The following ITIH5 variants were observed in gnomAD, a reference collection of about 807,000 sequenced individuals.
The protein encoded by ITIH5 is inter-alpha-trypsin inhibitor heavy chain 5.
In ITIH5, 65 loss-of-function variants were observed where a neutral mutation model predicts 77.5. The ratio of observed to expected loss-of-function variants is 0.84; its 90% CI spans 0.69 to 1.03. The LOEUF (loss-of-function observed/expected upper bound fraction) is 1.03. Among genes scored for constraint, ITIH5 ranks in the 50% least tolerant of loss-of-function variants. The pLI is 0.00. For missense variants in ITIH5, 1,208 were observed against 1,213.1 expected, an observed-to-expected ratio of 1.00 and a Z score of 0.06; for synonymous variants, 525 against 494.3, an observed-to-expected ratio of 1.06 and a Z score of -0.82.
intron 7 of ITIH5, among the ~76,000 whole-genome samples, chr10:7,603,179 G>A (rs55683303): frequency 0.08 from 12,127 of 152,154 alleles, 746 homozygotes; most frequent in African/African-American, 0.17. Flanking sequence ...TAAAAAACGC[G>A]TGGTATATCC....
At chr10:7,627,827 CTTTTTTTTT>C (rs869139058) in intron 5 of ITIH5, among the ~76,000 whole-genome samples, 1 of 90,804 alleles carries the variant, frequency 1.1e-5, no homozygotes, top group Non-Finnish European at 2.0e-5. Flanking sequence ...TGAAATTAAC[CTTTTTTTTT>C]TTTTTTTTTT....
chr10:7,624,154 G>A (rs1833518873), intron 5 of ITIH5, among the ~76,000 whole-genome samples: 3 of 152,138 alleles, frequency 2.0e-5, no homozygotes. Context: ...GACTATGTGT[G>A]AAAACAAGTA....
intron 10 of ITIH5, among the ~76,000 whole-genome samples, chr10:7,574,617 C>A (rs1239193460): frequency 1.3e-5 from 2 of 151,864 alleles, no homozygotes; most frequent in African/African-American, 4.8e-5. Flanking sequence ...CACGGTGAAA[C>A]CCCATCTCTA....
intron 2 of ITIH5, among the ~76,000 whole-genome samples, chr10:7,649,881 T>C (rs533545491): frequency 6.6e-6 from 1 of 152,336 alleles, no homozygotes; most frequent in African/African-American, 2.4e-5. Flanking sequence ...TATAAAACAG[T>C]GGCCTCACTT....
chr10:7,577,374 T>C (rs1832447017), intron 9 of ITIH5, among the ~76,000 whole-genome samples: 1 of 152,258 alleles, frequency 6.6e-6, no homozygotes, highest in Non-Finnish European at 1.5e-5. Flanking sequence ...AACAGACATT[T>C]GGATGCTTAA....
chr10:7,638,609 C>A (rs1455097454), intron 4 of ITIH5, among the ~76,000 whole-genome samples: 1 of 152,180 alleles, frequency 6.6e-6, no homozygotes, highest in Non-Finnish European at 1.5e-5. Flanking sequence ...ACTTCTCATG[C>A]ACCCATTCTG....
chr10:7,663,766 C>T lies in ITIH5; in HGVS notation c.90+3037G>A, dbSNP rs550445332. Among the ~76,000 whole-genome samples the T allele has an allele frequency of 2.6e-5, 4 of 152,294 alleles. No individual in the cohort carries two copies. The South Asian group carries it at 8.3e-4, about 32-fold the overall frequency. On this transcript the variant is annotated intron_variant, in intron 1 of 13. Coordinates refer to ENST00000397146, the MANE Select transcript of ITIH5 (RefSeq NM_030569.7). ...AGAGGTTAAGTGACTTGCCCAGGTACACACAGGCAGTAAGTGATGGGGTCC... is the reference window on the plus strand; with the variant it reads ...AGAGGTTAAGTGACTTGCCCAGGTATACACAGGCAGTAAGTGATGGGGTCC...
At chr10:7,617,404 A>T in intron 5 of ITIH5, 122 bp from the exon 6 acceptor site, 1 of 646,102 alleles carries the variant, frequency 1.5e-6, no homozygotes, top group Non-Finnish European at 2.5e-6. Flanking sequence ...ATTTCACAGG[A>T]ACTTCTAAGA....
chr10:7,609,496 TAG>T (rs1358675816), intron 7 of ITIH5: 1 of 456,666 alleles, frequency 2.2e-6, no homozygotes, highest in Admixed American at 2.4e-5. Flanking sequence ...ACCAATGTCC[TAG>T]AGCATAAAGT....
chr10:7,596,850 C>T (rs1159846510), intron 7 of ITIH5, among the ~76,000 whole-genome samples: 1 of 151,788 alleles, frequency 6.6e-6, no homozygotes, highest in Non-Finnish European at 1.5e-5. Flanking sequence ...GAGTTTGAGA[C>T]CAGCCTGGCC....
chr10:7,578,953 T>C (rs931330421), intron 9 of ITIH5, among the ~76,000 whole-genome samples: 1 of 152,264 alleles, frequency 6.6e-6, no homozygotes, highest in Non-Finnish European at 1.5e-5. Flanking sequence ...CTGATGGTTT[T>C]GCTTCCAAAT....
intron 5 of ITIH5, among the ~76,000 whole-genome samples, chr10:7,628,865 GTGTGTCCGTGT>G (rs1833643320): frequency 7.6e-6 from 1 of 131,918 alleles, no homozygotes. Context: ...CTGTTGTAGC[GTGTGTCCGTGT>G]TGTAGCGTGT....
chr10:7,585,168 T>C (rs1832647086), intron 8 of ITIH5, among the ~76,000 whole-genome samples: 1 of 152,222 alleles, frequency 6.6e-6, no homozygotes, highest in Non-Finnish European at 1.5e-5. Context: ...TTCTGCTAAA[T>C]GCTCCAATAC....
intron 11 of ITIH5, chr10:7,572,364 T>C: frequency 7.3e-7 from 1 of 1,367,316 alleles, no homozygotes; most frequent in South Asian, 1.1e-5. Context: ...TCATGACATT[T>C]GAAAAAATCT....
chr10:7,658,455 ACT>A (rs1834223581), intron 1 of ITIH5, among the ~76,000 whole-genome samples: 1 of 152,182 alleles, frequency 6.6e-6, no homozygotes, highest in Non-Finnish European at 1.5e-5. Context: ...AAAGAGTCAA[ACT>A]CTGTAAAATA....
At chr10:7,637,916 G>T (rs1375250472) in intron 4 of ITIH5, among the ~76,000 whole-genome samples, 4 of 152,186 alleles carry the variant, frequency 2.6e-5, no homozygotes, top group Non-Finnish European at 4.4e-5. Flanking sequence ...GTAAAGTTTG[G>T]TGGATATGTT....
chr10:7,658,960 G>A (rs1334514052), intron 1 of ITIH5, among the ~76,000 whole-genome samples: 1 of 152,156 alleles, frequency 6.6e-6, no homozygotes, highest in Non-Finnish European at 1.5e-5. Context: ...CAGTCTTTCA[G>A]GTTAAACTTA....
At chr10:7,616,199 C>A in intron 6 of ITIH5, 101 bp from the exon 7 acceptor site, 1 of 724,510 alleles carries the variant, frequency 1.4e-6, no homozygotes, top group Non-Finnish European at 2.5e-6. Context: ...TAAAGCATGA[C>A]AAAGAGTTTA....
Position 7,629,623 on chromosome 10 carries a change from G to A in ITIH5, c.652+7605C>T, listed in dbSNP as rs537026937. Among the ~76,000 whole-genome samples, 550 of 138,008 alleles carry A rather than the reference G, an allele frequency of 4.0e-3. 7 individuals carry two copies. Among genetic ancestry groups the A allele is most frequent in the Middle Eastern group, 0.018 (5 of 272 alleles). 90.5% of individuals were successfully genotyped at this position (138,008 alleles called of 152,430 possible). A position where few individuals can be genotyped will look rare whatever the true frequency, so the allele number is the denominator to read the frequency against. ...GTAGCGTGTATCCATGTTGCAGCGT[G>A]TGTCTGTGTTGTGGCATGTATCTGT... On this transcript the variant is annotated intron_variant, in intron 5 of 13. Transcript: ENST00000397146.
Sources: allele counts gnomAD v4.1 joint callset (sites outside exome capture counted in the v4.1 genomes callset), GRCh38; gene constraint gnomAD v4.1.1; transcripts MANE v1.5; gene names NCBI Gene and HGNC (gene_info 2026-07-23, HGNC 2026-07-21).